The following PRKCE variants were observed in gnomAD, a reference collection of about 807,000 sequenced individuals.
PRKCE encodes protein kinase C epsilon type.
In PRKCE, 16 loss-of-function variants were observed where a neutral mutation model predicts 85.4. The ratio of observed to expected loss-of-function variants is 0.19; its 90% confidence interval spans 0.13 to 0.28. The LOEUF (loss-of-function observed/expected upper bound fraction) is 0.28, where lower values mean the gene tolerates loss of function less well. Ranked by LOEUF, PRKCE falls within the 10% of genes least tolerant of loss-of-function variation. The pLI is 1.00. For synonymous variants in PRKCE, 388 were observed against 371.5 expected (o/e 1.04, Z -0.51); for missense variants, 573 against 975.2 (o/e 0.59, Z 5.49).
chr2:45,941,845 A>G (rs545370694), intron 2 of PRKCE, among the ~76,000 whole-genome samples: 64 of 152,276 alleles, frequency 4.2e-4, no homozygotes, highest in African/African-American at 1.5e-3. Flanking sequence ...AGGAGGTCAT[A>G]GATTCATTAA....
chr2:46,088,803 C>A (rs928161647), intron 11 of PRKCE, among the ~76,000 whole-genome samples: 9 of 152,162 alleles, frequency 5.9e-5, no homozygotes, highest in Non-Finnish European at 1.2e-4. Flanking sequence ...TGAGTACAAT[C>A]ACCAACATTT....
chr2:45,829,449 A>T (rs1009346114), intron 1 of PRKCE, among the ~76,000 whole-genome samples: 3 of 152,174 alleles, frequency 2.0e-5, no homozygotes, highest in African/African-American at 7.2e-5. Context: ...CATATAAATT[A>T]CAGAAAAGGA....
intron 1 of PRKCE, among the ~76,000 whole-genome samples, chr2:45,834,883 G>T (rs1690726838): frequency 6.6e-6 from 1 of 152,172 alleles, no homozygotes; most frequent in East Asian, 1.9e-4. Flanking sequence ...TAATTATCTT[G>T]TTTTATATAT....
intron 11 of PRKCE, among the ~76,000 whole-genome samples, chr2:46,100,666 A>G (rs1671120260): frequency 6.6e-6 from 1 of 152,246 alleles, no homozygotes; most frequent in Non-Finnish European, 1.5e-5. Context: ...TGTCTGGGGA[A>G]GCAACTAAGA....
At chr2:45,955,497 A>C (rs1011624764) in intron 2 of PRKCE, among the ~76,000 whole-genome samples, 2 of 152,204 alleles carry the variant, frequency 1.3e-5, no homozygotes, top group Admixed American at 6.5e-5. Context: ...TCTTCTGCTC[A>C]GCTGAATTCC....
In PRKCE at chr2:46,145,883, A is replaced by G. The variant is rs898522145; in HGVS notation, c.1731+652A>G. On this transcript the variant is annotated intron_variant, in intron 12 of 14. Coordinates refer to ENST00000306156, the MANE Select transcript of PRKCE (RefSeq NM_005400.3). The surrounding 1 kb of genome is among the most constrained non-coding windows in gnomAD (Gnocchi z 4.6). ...ACCCTGTCTCAATAAAAAAAAAAGT[A>G]AAAAATAAAATCAGAATAAAGGAGC... 6.6e-6 allele frequency among the ~76,000 whole-genome samples: 1 copy of G among 152,152 alleles called. No homozygotes were observed. The highest frequency in any genetic ancestry group is 2.4e-5 in the African/African-American group (1 of 41,444).
At chr2:45,661,526 T>TG (rs1179299004) in intron 1 of PRKCE, among the ~76,000 whole-genome samples, 1 of 126,304 alleles carries the variant, frequency 7.9e-6, no homozygotes, top group Non-Finnish European at 1.7e-5. Context: ...GTTTTTTGTT[T>TG]TTTGTTTTTT....
chr2:45,770,537 G>A (rs13405310), intron 1 of PRKCE, among the ~76,000 whole-genome samples: 20 of 152,136 alleles, frequency 1.3e-4, no homozygotes, highest in Admixed American at 5.9e-4. Context: ...TTGGTTGAGC[G>A]TCCTACCTTC....
Position 46,068,602 on chromosome 2 carries a change from A to G in PRKCE, c.1438-17606A>G, listed in dbSNP as rs1002589486. Among the ~76,000 whole-genome samples, 1 of 152,224 alleles carries G rather than the reference A, an allele frequency of 6.6e-6. No individual in the cohort carries two copies. The highest frequency in any genetic ancestry group is 2.4e-5 in the African/African-American group (1 of 41,456). On this transcript the variant is annotated intron_variant, in intron 10 of 14. Coordinates refer to ENST00000306156, the MANE Select transcript of PRKCE (RefSeq NM_005400.3). The surrounding 1 kb of genome is among the most constrained non-coding windows in gnomAD (Gnocchi z 4.3). ...GCAATGGTAGAAGGTTGTCACATACAGAATAAGATCAATCATCAGATGTGT... is the reference window on the plus strand; with the variant it reads ...GCAATGGTAGAAGGTTGTCACATACGGAATAAGATCAATCATCAGATGTGT...
chr2:46,017,970 C>T (rs1185411460), intron 10 of PRKCE, among the ~76,000 whole-genome samples: 2 of 152,178 alleles, frequency 1.3e-5, no homozygotes, highest in African/African-American at 4.8e-5. Flanking sequence ...TTCAAATAGC[C>T]TCACCTCCAA....
chr2:46,025,003 A>G (rs190629031), intron 10 of PRKCE, among the ~76,000 whole-genome samples: 13 of 152,352 alleles, frequency 8.5e-5, no homozygotes, highest in Admixed American at 3.9e-4. Flanking sequence ...TTTGATGTAC[A>G]TAACTCAGAG....
Position 46,155,946 on chromosome 2 carries a change from G to A in PRKCE, c.1921-3660G>A, listed in dbSNP as rs771116340. On this transcript the variant is annotated intron_variant, in intron 13 of 14. Transcript: ENST00000306156. The surrounding 1 kb of genome is among the most constrained non-coding windows in gnomAD (Gnocchi z 4.7). The stretch of plus-strand genomic sequence containing the variant: ...GGTGCAGCGCACCAGCATGGCACAT[G>A]TATACATATGTAACTAACCTGCACA... Among the ~76,000 whole-genome samples, 31 of 146,398 alleles carry A rather than the reference G, an allele frequency of 2.1e-4. No individual in the cohort carries two copies. Among genetic ancestry groups the A allele is most frequent in the Non-Finnish European group, 4.4e-4 (30 of 67,426 alleles).
intron 5 of PRKCE, among the ~76,000 whole-genome samples, chr2:45,983,109 T>G (rs866491882): frequency 6.6e-6 from 1 of 152,244 alleles, no homozygotes; most frequent in African/African-American, 2.4e-5. Flanking sequence ...AGAGCTGACA[T>G]TCTTGTTCCC....
At chr2:46,076,023 T>C (rs998282018) in intron 10 of PRKCE, among the ~76,000 whole-genome samples, 2 of 152,216 alleles carry the variant, frequency 1.3e-5, no homozygotes, top group Non-Finnish European at 2.9e-5. Context: ...GAAGCCAGCA[T>C]ACTGGAAAGT....
intron 1 of PRKCE, among the ~76,000 whole-genome samples, chr2:45,819,644 G>A (rs574330326): frequency 1.3e-4 from 20 of 152,208 alleles, no homozygotes; most frequent in Non-Finnish European, 2.6e-4. Flanking sequence ...CTACAGATGG[G>A]ATGTGGGAGG....
rs561954034 is a variant in PRKCE at position 45,738,882 on chromosome 2, T to A, written c.348+86434T>A. On this transcript the variant is annotated intron_variant, in intron 1 of 14. Coordinates refer to ENST00000306156, the MANE Select transcript of PRKCE (RefSeq NM_005400.3). ...TTTTACACGGCTCAATCACAGCTGT[T>A]ATTTCGTGATCTTCACCACACTTCA... Among the ~76,000 whole-genome samples the A allele has an allele frequency of 2.0e-5, 3 of 152,376 alleles. No homozygotes were observed. The South Asian group carries it at 6.2e-4, about 32-fold the overall frequency.
rs1351116788 is a variant in PRKCE, at chr2:46,041,462, GT to G, written c.1437+30947del. On this transcript the variant is annotated intron_variant, in intron 10 of 14. Transcript: ENST00000306156. The surrounding 1 kb of genome is among the most constrained non-coding windows in gnomAD (Gnocchi z 5.5). ...GCATATGTTTCCCTGCCCTAACTCA[GT>G]TCACATCCAGACTGGCTTCTAGAAG... 3.9e-5 allele frequency among the ~76,000 whole-genome samples: 6 copies of G among 152,306 alleles called. No homozygotes were observed. Among genetic ancestry groups the G allele is most frequent in the African/African-American group, 1.4e-4 (6 of 41,566 alleles).
chr2:45,902,573 G>A (rs1696658755), intron 2 of PRKCE, among the ~76,000 whole-genome samples: 1 of 152,204 alleles, frequency 6.6e-6, no homozygotes, highest in Admixed American at 6.5e-5. Context: ...CAGAAATGAG[G>A]AACTGGCTGG....
At chr2:45,653,480 G>T (rs962925300) in intron 1 of PRKCE, among the ~76,000 whole-genome samples, 1 of 144,564 alleles carries the variant, frequency 6.9e-6, no homozygotes, top group African/African-American at 2.5e-5. Context: ...AAGTACAAGC[G>T]TTCCTCTGGA....
Sources: allele counts gnomAD v4.1 joint callset (sites outside exome capture counted in the v4.1 genomes callset), GRCh38; gene constraint gnomAD v4.1.1; non-coding constraint Gnocchi (gnomAD v3.1); transcripts MANE v1.5; gene names NCBI Gene and HGNC (gene_info 2026-07-23, HGNC 2026-07-21).